Variants in TAL1 observed in about 807,000 individuals in gnomAD.
The protein encoded by TAL1 is T-cell acute lymphocytic leukemia protein 1.
TAL1 carries 8 observed loss-of-function variants against 17.9 expected under a neutral mutation model. The observed-to-expected ratio is 0.45, with a 90% CI of 0.26 to 0.81. TAL1 has a LOEUF of 0.81. Among genes scored for constraint, TAL1 ranks in the 30% least tolerant of loss-of-function variants. The pLI, the probability that TAL1 is intolerant of heterozygous loss-of-function variation, is 0.17. For missense variants in TAL1, 466 were observed against 486.9 expected, an observed-to-expected ratio of 0.96 and a Z score of 0.40; for synonymous variants, 223 against 218.6, an observed-to-expected ratio of 1.02 and a Z score of -0.18.
At chr1:47,219,105 C>A in exon 4 of TAL1, 1 of 349,944 alleles carries the variant, frequency 2.9e-6, no homozygotes, top group Non-Finnish European at 5.4e-6. Flanking sequence ...TTTCCTGACC[C>A]TCCGGCCCAG....
exon 1 of TAL1, chr1:47,229,378 G>A (rs1383684348): frequency 2.1e-5 from 4 of 186,272 alleles, no homozygotes; most frequent in African/African-American, 7.0e-5. Flanking sequence ...GAGTTTCCAG[G>A]AAAGATAGGG....
intron 1 of TAL1, chr1:47,226,163 A>T: frequency 2.3e-6 from 1 of 440,850 alleles, no homozygotes; most frequent in Non-Finnish European, 4.0e-6. Flanking sequence ...GAGGAAGACG[A>T]CAGAGACACC....
exon 3 of TAL1, chr1:47,224,028 G>T: frequency 6.2e-7 from 1 of 1,613,896 alleles, no homozygotes; most frequent in Non-Finnish European, 8.5e-7. Flanking sequence ...ATCTCATAGG[G>T]GGAAGGTCTC....
At chr1:47,225,347 G>A in intron 2 of TAL1, 96 bp downstream of exon 3, 2 of 1,138,124 alleles carry the variant, frequency 1.8e-6, no homozygotes, top group Non-Finnish European at 2.2e-6. Flanking sequence ...TCGGCCCCCA[G>A]GGCAGGCCGC....
exon 4 of TAL1, chr1:47,219,718 C>G: frequency 6.2e-7 from 1 of 1,608,602 alleles, no homozygotes; most frequent in South Asian, 1.1e-5. Flanking sequence ...GGCCCAGACC[C>G]ATCACCGAGG....
chr1:47,228,704 C>G (rs1464031019), intron 1 of TAL1: 1 of 167,032 alleles, frequency 6.0e-6, no homozygotes, highest in Non-Finnish European at 1.3e-5. Flanking sequence ...CAAGCCTGCA[C>G]AAGTACCAAA....
exon 1 of TAL1, chr1:47,229,391 GGAGA>G (rs1306503641): frequency 5.4e-6 from 1 of 184,056 alleles, no homozygotes; most frequent in African/African-American, 2.3e-5. Context: ...AGATAGGGGT[GGAGA>G]GAAAGAGGCA....
At chr1:47,219,559 C>G (rs1435914483) in exon 4 of TAL1, 2 of 1,181,978 alleles carry the variant, frequency 1.7e-6, no homozygotes, top group Non-Finnish European at 2.4e-6. Flanking sequence ...GAAAAGCCAG[C>G]CCCAGGGTCA....
At chr1:47,230,182 T>A (rs1188836885), upstream of TAL1, 1 of 151,964 alleles carries the variant, frequency 6.6e-6, no homozygotes, top group African/African-American at 2.4e-5. Flanking sequence ...TAAGGGAGAA[T>A]TCTAATGATT....
At chr1:47,219,070 A>G (rs1034893981) in exon 4 of TAL1, 11 of 326,084 alleles carry the variant, frequency 3.4e-5, no homozygotes, top group Non-Finnish European at 4.6e-5. Context: ...TTTGATCCCC[A>G]GGGCAAGAAG....
Position 47,225,440 on chromosome 1 carries a change from G to T in TAL1, c.446+3C>A. On this transcript the variant is annotated splice_donor_region_variant and intron_variant, in intron 2 of 3. Transcript: ENST00000294339. ...CCCTGGCCCCTGGCCCCTGGCCCCT[G>T]ACCTGCCGAGAGAGGCCAGCGGCTG... The T allele has an allele frequency of 8.1e-7, 1 of 1,231,210 alleles. No individual in the cohort carries two copies. Among genetic ancestry groups the T allele is most frequent in the South Asian group, 4.1e-5 (1 of 24,328 alleles). The allele number at this position is 1,231,210 out of a possible 1,614,324, so 76.3% of individuals were successfully genotyped here.
At chr1:47,219,512 G>C in exon 4 of TAL1, 1 of 790,762 alleles carries the variant, frequency 1.3e-6, no homozygotes, top group Non-Finnish European at 2.1e-6. Flanking sequence ...CTACCACTTT[G>C]CTCCATTTTT....
At chr1:47,226,000 A>G in intron 1 of TAL1, 111 bp from the exon 3 acceptor site, 1 of 1,065,906 alleles carries the variant, frequency 9.4e-7, no homozygotes, top group East Asian at 4.3e-5. Flanking sequence ...TCACGCACCG[A>G]GACGTGAGAA....
exon 2 of TAL1, chr1:47,225,666 T>G: frequency 1.4e-6 from 2 of 1,415,962 alleles, no homozygotes; most frequent in Non-Finnish European, 1.8e-6. Context: ...TCGCGGCCCT[T>G]TAAGTCTCTC....
At chr1:47,231,182 T>G (rs906810713), upstream of TAL1, 4 of 178,158 alleles carry the variant, frequency 2.2e-5, no homozygotes, top group African/African-American at 7.1e-5. Flanking sequence ...CTCAAACACC[T>G]AGGCACAGGC....
chr1:47,231,651 A>C (rs540166061), upstream of TAL1: 5 of 234,044 alleles, frequency 2.1e-5, no homozygotes, highest in African/African-American at 8.8e-5. Context: ...ACACACCCCC[A>C]CACACAGAAT....
At position 47,219,777 on chromosome 1, in the gene TAL1, C is replaced by T. The variant is rs765390100; in HGVS notation, c.939G>A (p.Thr313=). 3 of 1,611,432 alleles carry T rather than the reference C, an allele frequency of 1.9e-6. No individual in the cohort carries two copies. The East Asian group carries it at 6.7e-5, about 36-fold the overall frequency. The change falls in exon 4 of 4, where the codon ACG becomes ACA. Residue 313 remains threonine (T), a synonymous_variant. Coordinates refer to ENST00000294339, the Ensembl canonical transcript of TAL1. The stretch of plus-strand genomic sequence containing the variant: ...GCATGGCAGGATGGAGGCTGCGGGC[C>T]GTGTGCTTGGGCGCGGGCTCCTCCG...
At chr1:47,223,241 C>G (rs2148588885) in intron 3 of TAL1, 1 of 152,524 alleles carries the variant, frequency 6.6e-6, no homozygotes, top group South Asian at 2.1e-4. Context: ...CTCAAAGTCC[C>G]TCAGCTCTGA....
At chr1:47,232,011 G>GC (rs1035135738), upstream of TAL1, among the ~76,000 whole-genome samples, 13 of 151,354 alleles carry the variant, frequency 8.6e-5, no homozygotes, top group African/African-American at 1.7e-4. Flanking sequence ...CGTGGAAAAT[G>GC]CCCCCCCACC....
Sources: gnomAD v4.1 joint callset for allele counts (sites outside exome capture counted in the v4.1 genomes callset) on GRCh38, gnomAD v4.1.1 for gene constraint, MANE v1.5 for transcripts, NCBI Gene and HGNC (gene_info 2026-07-23, HGNC 2026-07-21) for gene names.